The following KLHL8 variants were observed in gnomAD, a reference collection of about 807,000 sequenced individuals.
The protein encoded by KLHL8 is kelch-like protein 8.
In KLHL8, 38 loss-of-function variants were observed where a neutral mutation model predicts 63.5. The observed-to-expected ratio is 0.60, with a 90% CI of 0.46 to 0.78. The LOEUF is 0.78. Ranked by LOEUF, KLHL8 falls within the 30% of genes least tolerant of loss-of-function variation. The pLI is 0.00. For synonymous variants in KLHL8, 224 were observed against 254.3 expected, an observed-to-expected ratio of 0.88 and a Z score of 1.13; for missense variants, 566 against 752.4, an observed-to-expected ratio of 0.75 and a Z score of 2.90.
chr4:87,187,671 ATTTAC>A (rs1731320404), intron 2 of KLHL8, among the ~76,000 whole-genome samples: 1 of 151,948 alleles, frequency 6.6e-6, no homozygotes, highest in Admixed American at 6.5e-5. Context: ...AATATTCTAT[ATTTAC>A]TTCACGTATT....
chr4:87,202,354 A>C (rs562527389), intron 1 of KLHL8, among the ~76,000 whole-genome samples: 74 of 152,230 alleles, frequency 4.9e-4, no homozygotes, highest in African/African-American at 1.4e-3. Flanking sequence ...TCCTGACCTC[A>C]GGTGATCCAC....
chr4:87,235,659 C>T (rs1205556100), intron 1 of KLHL8, among the ~76,000 whole-genome samples: 1 of 152,166 alleles, frequency 6.6e-6, no homozygotes, highest in Non-Finnish European at 1.5e-5. Context: ...CTAGCATGAT[C>T]TCTATAGCTA....
At chr4:87,228,316 G>A (rs1349118464) in intron 1 of KLHL8, among the ~76,000 whole-genome samples, 1 of 152,154 alleles carries the variant, frequency 6.6e-6, no homozygotes, top group African/African-American at 2.4e-5. Context: ...TGAATTTGTA[G>A]CCATTGGTTC....
intron 1 of KLHL8, among the ~76,000 whole-genome samples, chr4:87,213,977 G>T (rs1238463566): frequency 6.6e-6 from 1 of 152,064 alleles, no homozygotes; most frequent in Non-Finnish European, 1.5e-5. Context: ...GTTGTGATGG[G>T]TAAGTGAAGT....
At chr4:87,198,425 T>C (rs940867827) in intron 1 of KLHL8, among the ~76,000 whole-genome samples, 2 of 152,158 alleles carry the variant, frequency 1.3e-5, no homozygotes, top group Admixed American at 1.3e-4. Context: ...ACAATATCAA[T>C]AATCACATTA....
intron 1 of KLHL8, chr4:87,207,203 C>A: frequency 1.8e-6 from 1 of 571,186 alleles, no homozygotes; most frequent in Admixed American, 2.0e-5. Context: ...CTTCATTGAC[C>A]TCAACTACAT....
At chr4:87,224,236 C>T (rs1355101205), upstream of KLHL8, among the ~76,000 whole-genome samples, 1 of 152,090 alleles carries the variant, frequency 6.6e-6, no homozygotes, top group Non-Finnish European at 1.5e-5. Context: ...AAGCATGAGC[C>T]ACCGCGCCGG....
chr4:87,198,333 A>T (rs977338442), intron 1 of KLHL8, among the ~76,000 whole-genome samples: 3 of 152,178 alleles, frequency 2.0e-5, no homozygotes, highest in African/African-American at 7.2e-5. Flanking sequence ...AAATAAAATA[A>T]GAAAAAACAC....
At chr4:87,193,996 A>C (rs1731595612) in intron 2 of KLHL8, among the ~76,000 whole-genome samples, 1 of 152,214 alleles carries the variant, frequency 6.6e-6, no homozygotes, top group South Asian at 2.1e-4. Flanking sequence ...AGAATGCTTA[A>C]GTGTTAACTA....
intron 9 of KLHL8, 105 bp from the exon 10 acceptor site, chr4:87,163,747 C>T (rs1730267083): frequency 1.4e-5 from 22 of 1,545,540 alleles, no homozygotes; most frequent in Middle Eastern, 1.7e-4. Flanking sequence ...TGTAGGACAG[C>T]AAGCTTCCAG....
chr4:87,197,598 T>C (rs1263329153), intron 1 of KLHL8, among the ~76,000 whole-genome samples: 1 of 152,198 alleles, frequency 6.6e-6, no homozygotes, highest in Non-Finnish European at 1.5e-5. Flanking sequence ...GCACGGAAAC[T>C]GTGAGATAAT....
At chr4:87,198,417 A>C (rs1258801827) in intron 1 of KLHL8, among the ~76,000 whole-genome samples, 1 of 152,220 alleles carries the variant, frequency 6.6e-6, no homozygotes, top group Non-Finnish European at 1.5e-5. Flanking sequence ...TAAACTCAAC[A>C]ATATCAATAA....
intron 1 of KLHL8, among the ~76,000 whole-genome samples, chr4:87,214,780 AT>A (rs1732536040): frequency 6.8e-6 from 1 of 147,658 alleles, no homozygotes; most frequent in Non-Finnish European, 1.5e-5. Context: ...TGTTTCAGGA[AT>A]TTTTAAAGGT....
intron 4 of KLHL8, among the ~76,000 whole-genome samples, chr4:87,181,361 G>C (rs1367603124): frequency 6.6e-6 from 1 of 151,832 alleles, no homozygotes; most frequent in East Asian, 1.9e-4. Flanking sequence ...AGCTGAGAAA[G>C]CGCCACTGCT....
chr4:87,197,772 C>T (rs879541500), intron 1 of KLHL8, among the ~76,000 whole-genome samples: 2 of 152,020 alleles, frequency 1.3e-5, no homozygotes, highest in African/African-American at 4.8e-5. Flanking sequence ...ATTCACATTC[C>T]TGCTGCAAAA....
Position 87,163,503 on chromosome 4 carries a change from G to T in KLHL8, c.*16C>A, listed in dbSNP as rs772655204. On this transcript the variant is annotated 3_prime_UTR_variant, in exon 10 of 10. Transcript: ENST00000273963. ...CCTATCAGATATGACTAAATTGTTG[G>T]TGGCCAGAACTCAAATCACATACAG... is the stretch of plus-strand genomic sequence containing the variant. The T allele has an allele frequency of 1.9e-6, 3 of 1,613,056 alleles. No homozygotes were observed. The highest frequency in any genetic ancestry group is 2.5e-6 in the Non-Finnish European group (3 of 1,179,574).
intron 1 of KLHL8, among the ~76,000 whole-genome samples, chr4:87,212,619 CA>C (rs2110047364): frequency 6.6e-6 from 1 of 152,242 alleles, no homozygotes; most frequent in South Asian, 2.1e-4. Context: ...ATAGCATTTA[CA>C]GTCTTTACAG....
At chr4:87,180,631 C>G (rs530822525) in intron 4 of KLHL8, among the ~76,000 whole-genome samples, 2 of 152,168 alleles carry the variant, frequency 1.3e-5, no homozygotes, top group South Asian at 2.1e-4. Flanking sequence ...TAACCCAGAG[C>G]CTTTCACATG....
intron 1 of KLHL8, among the ~76,000 whole-genome samples, chr4:87,232,540 G>C (rs1733153665): frequency 6.6e-6 from 1 of 152,230 alleles, no homozygotes; most frequent in Non-Finnish European, 1.5e-5. Flanking sequence ...TTCTCCAGAA[G>C]TGGAATTGCT....
Sources: gnomAD v4.1 joint callset for allele counts (sites outside exome capture counted in the v4.1 genomes callset) on GRCh38, gnomAD v4.1.1 for gene constraint, MANE v1.5 for transcripts, NCBI Gene and HGNC (gene_info 2026-07-23, HGNC 2026-07-21) for gene names.